ARHGAP12: variants seen among roughly 807,000 people sequenced by gnomAD.
ARHGAP12 encodes rho GTPase-activating protein 12.
A neutral mutation model predicts 108.6 loss-of-function variants in ARHGAP12; 64 were observed. The observed-to-expected ratio is 0.59, with a 90% confidence interval of 0.48 to 0.73. The LOEUF is 0.73. ARHGAP12 is among the 30% of genes least tolerant of loss of function. ARHGAP12 has a pLI of 0.00. For synonymous variants in ARHGAP12, 312 were observed against 337.2 expected, an observed-to-expected ratio of 0.93 and a Z score of 0.82; for missense variants, 940 against 1,005.9, an observed-to-expected ratio of 0.93 and a Z score of 0.89.
At chr10:31,893,819 C>T (rs1309547130) in intron 3 of ARHGAP12, among the ~76,000 whole-genome samples, 2 of 152,150 alleles carry the variant, frequency 1.3e-5, no homozygotes, top group Non-Finnish European at 2.9e-5. Flanking sequence ...GACCAATATC[C>T]CTGACGAACA....
In ARHGAP12 at chr10:31,843,602, G is replaced by T; in HGVS notation, c.1171-16C>A. 1 of 1,567,004 alleles carries T rather than the reference G, an allele frequency of 6.4e-7. No homozygotes were observed. ...AAGCATTATACTAAAACAAAACAAA[G>T]CAAAAAACACAAAAAACAGTTCATA... On this transcript the variant is annotated splice_polypyrimidine_tract_variant and intron_variant, in intron 6 of 19. Coordinates refer to ENST00000344936, the MANE Select transcript of ARHGAP12 (RefSeq NM_018287.7).
chr10:31,810,784 G>A (rs1419165244), intron 15 of ARHGAP12, 37 bp from the exon 16 acceptor site: 2 of 1,496,290 alleles, frequency 1.3e-6, no homozygotes, highest in Middle Eastern at 1.7e-4. Flanking sequence ...CAATCACCTT[G>A]CTGAAATTCA....
intron 3 of ARHGAP12, among the ~76,000 whole-genome samples, chr10:31,874,641 G>C (rs1407423300): frequency 1.3e-5 from 2 of 152,006 alleles, no homozygotes; most frequent in East Asian, 3.9e-4. Flanking sequence ...ATTTAAAATA[G>C]GTAGTTAGAC....
At chr10:31,838,024 A>G (rs781714740) in intron 9 of ARHGAP12, among the ~76,000 whole-genome samples, 2 of 152,178 alleles carry the variant, frequency 1.3e-5, no homozygotes, top group Non-Finnish European at 2.9e-5. Context: ...ATGACAAGTT[A>G]TTTTATGTAA....
chr10:31,866,708 C>T (rs1837339267), intron 3 of ARHGAP12, among the ~76,000 whole-genome samples: 1 of 152,030 alleles, frequency 6.6e-6, no homozygotes, highest in South Asian at 2.1e-4. Flanking sequence ...CTCTGCCTCC[C>T]TGTTTCAAGC....
Position 31,873,844 on chromosome 10 carries a change from TG to T in ARHGAP12, c.685-12187del, listed in dbSNP as rs573538819. Reference sequence around the variant, plus strand: ...TTCATCCAGATATGTTTGTCCTTGTTGGTCAGTAAAGCAAAGAAAATTCAAT... The same window carrying T: ...TTCATCCAGATATGTTTGTCCTTGTTGTCAGTAAAGCAAAGAAAATTCAAT... On this transcript the variant is annotated intron_variant, in intron 3 of 19. Transcript: ENST00000344936. 8.5e-5 allele frequency among the ~76,000 whole-genome samples: 13 copies of T among 152,358 alleles called. No individual in the cohort carries two copies. In the South Asian group the frequency reaches 2.7e-3, roughly 32 times the overall value.
At position 31,839,312 on chromosome 10, in the gene ARHGAP12, C is replaced by A; in HGVS notation, c.1379G>T (p.Ser460Ile). Residue 460 changes from serine (S) to isoleucine (I), a missense_variant, in exon 9 of 20, where the codon AGT becomes ATT. Ser to Ile is a moderately radical substitution (Grantham distance 142). Coordinates refer to ENST00000344936, the MANE Select transcript of ARHGAP12 (RefSeq NM_018287.7). ...SSPKHQDTAS[S>I]PKDQEKYGLL... is the part of the protein sequence containing the mutation. The stretch of plus-strand genomic sequence containing the variant: ...GAGAGGATTGCTTCTTACCTTTGGA[C>A]TGCTGGCCTGAGGAAAAAAAGAGTA... 6.2e-7 allele frequency: 1 copy of A among 1,610,716 alleles called. No individual in the cohort carries two copies. Among genetic ancestry groups the A allele is most frequent in the Non-Finnish European group, 8.5e-7 (1 of 1,177,852 alleles).
At chr10:31,899,549 G>A (rs1838839923) in intron 3 of ARHGAP12, among the ~76,000 whole-genome samples, 1 of 152,096 alleles carries the variant, frequency 6.6e-6, no homozygotes, top group Admixed American at 6.6e-5. Flanking sequence ...GAGATCAATG[G>A]AACAGAATAA....
intron 3 of ARHGAP12, among the ~76,000 whole-genome samples, chr10:31,890,075 A>T (rs184138461): frequency 8.3e-4 from 127 of 152,182 alleles, no homozygotes; most frequent in African/African-American, 2.9e-3. Context: ...CTGGGTACAT[A>T]AGTCATTTCA....
At chr10:31,876,796 C>G (rs1280986179) in intron 3 of ARHGAP12, among the ~76,000 whole-genome samples, 1 of 152,180 alleles carries the variant, frequency 6.6e-6, no homozygotes. Context: ...GTGCTACGAA[C>G]AGTTAGTGCT....
intron 3 of ARHGAP12, among the ~76,000 whole-genome samples, chr10:31,901,302 C>A (rs1035873190): frequency 6.6e-6 from 1 of 151,224 alleles, no homozygotes; most frequent in African/African-American, 2.4e-5. Flanking sequence ...GAGACAGAGG[C>A]GGGAGGATCA....
At chr10:31,840,570 A>G (rs1179681375) in intron 7 of ARHGAP12, among the ~76,000 whole-genome samples, 1 of 152,096 alleles carries the variant, frequency 6.6e-6, no homozygotes, top group African/African-American at 2.4e-5. Context: ...ACCTATTATT[A>G]ATTTGTTTCT....
rs772304987 is a variant in ARHGAP12 at position 31,861,428 on chromosome 10, G to A, written c.915C>T (p.Ser305=). The A allele has an allele frequency of 6.2e-7, 1 of 1,613,942 alleles. No homozygotes were observed. Among genetic ancestry groups the A allele is most frequent in the East Asian group, 2.2e-5 (1 of 44,876 alleles). Residue 305 remains serine (S), a synonymous_variant, in exon 4 of 20, where the codon AGC becomes AGT. Transcript: ENST00000344936. ...CCCCTGGATTTTGGAAATCTCCTTT[G>A]CTGATGCTTGCATCCCGAGTCCAAC... ...PPRWTRDASI[S]KGDFQNPGDQ...
chr10:31,831,481 G>GA (rs35176574), intron 10 of ARHGAP12, among the ~76,000 whole-genome samples: 18,594 of 148,912 alleles, frequency 0.12, 1,316 homozygotes, highest in Non-Finnish European at 0.17. Flanking sequence ...ACTGCTTACT[G>GA]AAAAAAAAAA....
intron 3 of ARHGAP12, among the ~76,000 whole-genome samples, chr10:31,887,480 T>C (rs1838230028): frequency 6.6e-6 from 1 of 152,088 alleles, no homozygotes; most frequent in Non-Finnish European, 1.5e-5. Flanking sequence ...ACATACGAAA[T>C]CGGTATTCCC....
chr10:31,889,597 TTTTC>T (rs1838329430), intron 3 of ARHGAP12, among the ~76,000 whole-genome samples: 1 of 151,362 alleles, frequency 6.6e-6, no homozygotes, highest in Non-Finnish European at 1.5e-5. Context: ...AGGATTTTGA[TTTTC>T]TTTTCTTAAT....
At chr10:31,819,555 T>C (rs895677477) in intron 12 of ARHGAP12, among the ~76,000 whole-genome samples, 3 of 152,194 alleles carry the variant, frequency 2.0e-5, no homozygotes, top group Non-Finnish European at 2.9e-5. Flanking sequence ...CTGAAAGTAA[T>C]GTGTGACTTC....
At chr10:31,883,338 AT>A (rs1838058556) in intron 3 of ARHGAP12, among the ~76,000 whole-genome samples, 1 of 152,230 alleles carries the variant, frequency 6.6e-6, no homozygotes. Flanking sequence ...TACATTAATT[AT>A]CCCCTTGCCT....
intron 3 of ARHGAP12, among the ~76,000 whole-genome samples, chr10:31,905,618 C>G (rs1258296758): frequency 6.6e-6 from 1 of 151,506 alleles, no homozygotes; most frequent in Non-Finnish European, 1.5e-5. Context: ...AAGAGCTTTA[C>G]TAAGATGAGA....
Sources: allele counts gnomAD v4.1 joint callset (sites outside exome capture counted in the v4.1 genomes callset), GRCh38; gene constraint gnomAD v4.1.1; transcripts MANE v1.5; gene names NCBI Gene and HGNC (gene_info 2026-07-23, HGNC 2026-07-21).